The following STXBP5L variants were observed in gnomAD, a reference collection of about 807,000 sequenced individuals.
STXBP5L encodes the protein syntaxin-binding protein 5-like.
Under a neutral mutation model 144.5 loss-of-function variants are expected in STXBP5L, and 65 were observed. The ratio of observed to expected loss-of-function variants is 0.45; its 90% confidence interval spans 0.37 to 0.55. The LOEUF (loss-of-function observed/expected upper bound fraction) is 0.55, where lower values mean the gene tolerates loss of function less well. STXBP5L is among the 20% of genes least tolerant of loss of function. The pLI is 0.00. For synonymous variants in STXBP5L, 505 were observed against 469.6 expected (o/e 1.08, Z -0.97); for missense variants, 1,298 against 1,405.5 (o/e 0.92, Z 1.22).
At chr3:120,971,734 G>GTGTGTATATATATATCACATTTTATATA (rs1201249842) in intron 3 of STXBP5L, among the ~76,000 whole-genome samples, 2 of 149,702 alleles carry the variant, frequency 1.3e-5, no homozygotes, top group Non-Finnish European at 1.5e-5. Context: ...ACACATATAT[G>GTGTGTATATATATATCACATTTTATATA]TGTGTATATA....
At chr3:121,001,009 G>A (rs1266877236) in intron 3 of STXBP5L, among the ~76,000 whole-genome samples, 1 of 152,192 alleles carries the variant, frequency 6.6e-6, no homozygotes, top group Admixed American at 6.5e-5. Context: ...GCGGGGGGAA[G>A]GGGGTAAGTG....
chr3:121,085,778 C>T (rs2042461550), intron 5 of STXBP5L, among the ~76,000 whole-genome samples: 2 of 151,982 alleles, frequency 1.3e-5, no homozygotes, highest in Non-Finnish European at 2.9e-5. Flanking sequence ...AATGCTATTC[C>T]CATTAAACTA....
chr3:121,172,525 T>G (rs926425424), intron 9 of STXBP5L, among the ~76,000 whole-genome samples: 1 of 152,190 alleles, frequency 6.6e-6, no homozygotes, highest in Non-Finnish European at 1.5e-5. Flanking sequence ...GCAAAGGGTA[T>G]CTACAGGTAC....
chr3:121,158,590 A>G (rs1299265700), intron 9 of STXBP5L: 1 of 152,170 alleles, frequency 6.6e-6, no homozygotes, highest in Non-Finnish European at 1.5e-5. Flanking sequence ...AGATTACTTT[A>G]CATTTAGATG....
intron 5 of STXBP5L, among the ~76,000 whole-genome samples, chr3:121,063,053 G>C (rs937905781): frequency 1.3e-5 from 2 of 152,088 alleles, no homozygotes; most frequent in Non-Finnish European, 2.9e-5. Context: ...TCCCTTGCTG[G>C]TGAGGAGTTG....
intron 2 of STXBP5L, among the ~76,000 whole-genome samples, chr3:120,949,518 A>G (rs1253463978): frequency 1.3e-5 from 2 of 152,010 alleles, no homozygotes; most frequent in Non-Finnish European, 2.9e-5. Flanking sequence ...AGTTTTTCCA[A>G]TGTTATCTTC....
intron 3 of STXBP5L, among the ~76,000 whole-genome samples, chr3:121,008,504 C>T (rs139308584): frequency 1.3e-5 from 2 of 152,096 alleles, no homozygotes; most frequent in South Asian, 2.1e-4. Flanking sequence ...TTTTGGTTCT[C>T]AAACCTATAT....
rs1452909715 is a variant in STXBP5L, at chr3:120,988,668, A to T, written c.287+33631A>T. Among the ~76,000 whole-genome samples the T allele has an allele frequency of 2.0e-5, 3 of 152,054 alleles. No homozygotes were observed. The East Asian group carries it at 5.8e-4, about 29-fold the overall frequency. Reference sequence around the variant, plus strand: ...TTCTATATCCTTGCTAATTTTCTTTAAAAAATTTTTTTAGAGATGAAAGGG... The same window carrying T: ...TTCTATATCCTTGCTAATTTTCTTTTAAAAATTTTTTTAGAGATGAAAGGG... On this transcript the variant is annotated intron_variant, in intron 3 of 26. Coordinates refer to ENST00000471454, the MANE Select transcript of STXBP5L (RefSeq NM_001308330.2).
chr3:121,011,708 C>G (rs941284487), intron 3 of STXBP5L, among the ~76,000 whole-genome samples: 1 of 151,490 alleles, frequency 6.6e-6, no homozygotes, highest in Non-Finnish European at 1.5e-5. Context: ...CCCAAATCCT[C>G]TTTTTCAGCC....
At chr3:121,418,678 C>G in intron 26 of STXBP5L, 121 bp downstream of exon 26, 1 of 965,300 alleles carries the variant, frequency 1.0e-6, no homozygotes, top group African/African-American at 1.7e-5. Context: ...ATCATGGTAA[C>G]CTAGATCTCT....
At chr3:121,125,634 G>A (rs1394464789) in intron 7 of STXBP5L, among the ~76,000 whole-genome samples, 1 of 152,126 alleles carries the variant, frequency 6.6e-6, no homozygotes, top group Non-Finnish European at 1.5e-5. Context: ...GAATCTGCTT[G>A]AATTCTCTTA....
intron 20 of STXBP5L, among the ~76,000 whole-genome samples, chr3:121,355,958 G>A (rs968857391): frequency 2.0e-5 from 3 of 152,192 alleles, no homozygotes; most frequent in Admixed American, 6.5e-5. Context: ...TCAGCTGGTG[G>A]TCTGTTGGAG....
intron 3 of STXBP5L, among the ~76,000 whole-genome samples, chr3:120,991,272 C>A (rs889748747): frequency 6.6e-6 from 1 of 151,500 alleles, no homozygotes; most frequent in Admixed American, 6.6e-5. Context: ...AAATCAAAAC[C>A]ACAATGAGAT....
chr3:120,932,250 T>C (rs1275287578), intron 2 of STXBP5L, among the ~76,000 whole-genome samples: 1 of 152,222 alleles, frequency 6.6e-6, no homozygotes, highest in Non-Finnish European at 1.5e-5. Context: ...CTTGAAATAG[T>C]GTTCTTGGAA....
intron 5 of STXBP5L, among the ~76,000 whole-genome samples, chr3:121,074,508 C>T (rs905732216): frequency 2.0e-5 from 3 of 152,114 alleles, no homozygotes; most frequent in Non-Finnish European, 2.9e-5. Context: ...GGGATACTGA[C>T]GGATTCACAC....
At position 121,102,578 on chromosome 3, in the gene STXBP5L, T is replaced by C. The variant is rs148053823; in HGVS notation, c.471-12347T>C. On this transcript the variant is annotated intron_variant, in intron 5 of 26. Transcript: ENST00000471454. ...TCAAGAGGGTTTAAAGCTCTAAATATCAGACCTCAAACTATAAGAATCCTA... is the reference window on the plus strand; with the variant it reads ...TCAAGAGGGTTTAAAGCTCTAAATACCAGACCTCAAACTATAAGAATCCTA... Among the ~76,000 whole-genome samples, 341 of 152,214 alleles carry C rather than the reference T, an allele frequency of 2.2e-3. 2 individuals carry two copies. The highest frequency in any genetic ancestry group is 7.7e-3 in the African/African-American group (322 of 41,560).
intron 2 of STXBP5L, among the ~76,000 whole-genome samples, chr3:120,911,532 G>A (rs748163645): frequency 5.9e-5 from 9 of 152,032 alleles, no homozygotes; most frequent in Non-Finnish European, 1.2e-4. Context: ...ACTAAGAGAC[G>A]GTTATTGGGA....
intron 9 of STXBP5L, among the ~76,000 whole-genome samples, chr3:121,163,968 G>A (rs1252741422): frequency 6.6e-6 from 1 of 152,074 alleles, no homozygotes; most frequent in Non-Finnish European, 1.5e-5. Context: ...GTTCACAACA[G>A]CAATTTAAAG....
intron 22 of STXBP5L, among the ~76,000 whole-genome samples, chr3:121,391,130 T>C (rs1282635758): frequency 6.6e-6 from 1 of 152,236 alleles, no homozygotes; most frequent in Non-Finnish European, 1.5e-5. Context: ...ATTTCATTAA[T>C]TTGATCTTGC....
Sources: allele counts gnomAD v4.1 joint callset (sites outside exome capture counted in the v4.1 genomes callset), GRCh38; gene constraint gnomAD v4.1.1; transcripts MANE v1.5; gene names NCBI Gene and HGNC (gene_info 2026-07-23, HGNC 2026-07-21).